The following TMEM266 variants were observed in gnomAD, a reference collection of about 807,000 sequenced individuals.
The protein encoded by TMEM266 is Hv1 related protein 1.
TMEM266 carries 33 observed loss-of-function variants against 50.5 expected under a neutral mutation model. The ratio of observed to expected loss-of-function variants is 0.65; its 90% confidence interval spans 0.50 to 0.87. TMEM266 has a LOEUF of 0.87. Ranked by LOEUF, TMEM266 falls within the 40% of genes least tolerant of loss-of-function variation. TMEM266 has a pLI of 0.00. For synonymous variants in TMEM266, 310 were observed against 292.3 expected, an observed-to-expected ratio of 1.06 and a Z score of -0.62; for missense variants, 655 against 695.1, an observed-to-expected ratio of 0.94 and a Z score of 0.65.
At chr15:76,191,884 C>A in intron 8 of TMEM266, 84 bp from the exon 9 acceptor site, 7 of 1,300,426 alleles carry the variant, frequency 5.4e-6, no homozygotes, top group Non-Finnish European at 7.1e-6. Flanking sequence ...CGCCCCCATG[C>A]AGGAGCAAAG....
At chr15:76,186,982 C>A (rs1322110099) in intron 8 of TMEM266, among the ~76,000 whole-genome samples, 1 of 152,236 alleles carries the variant, frequency 6.6e-6, no homozygotes, top group East Asian at 1.9e-4. Context: ...CAGCCCAGGG[C>A]TGTGCTTGGC....
At position 76,119,391 on chromosome 15, in the gene TMEM266, CAAAAAA is replaced by C. The variant is rs57532855; in HGVS notation, c.-96-14761_-96-14756del. On this transcript the variant is annotated intron_variant, in intron 1 of 10. Transcript: ENST00000388942. ...TCGTTTAGGGGGTTAGGGTTTATGG[CAAAAAA>C]AAAAAAAAAAAAAAAGAAAAGAAAA... Among the ~76,000 whole-genome samples, 272 of 109,792 alleles carry C rather than the reference CAAAAAA, an allele frequency of 2.5e-3. 1 individual carries two copies. The highest frequency in any genetic ancestry group is 4.4e-3 in the Admixed American group (51 of 11,480). The allele number at this position is 109,792 out of a possible 152,430, so 72.0% of individuals were successfully genotyped here.
At chr15:76,170,022 A>C in intron 6 of TMEM266, 150 bp downstream of exon 6, 1 of 484,704 alleles carries the variant, frequency 2.1e-6, no homozygotes. Flanking sequence ...TGGGTGGGGC[A>C]GGGAGGGGGA....
At chr15:76,143,204 A>C (rs1434982291) in intron 3 of TMEM266, among the ~76,000 whole-genome samples, 1 of 151,300 alleles carries the variant, frequency 6.6e-6, no homozygotes, top group Non-Finnish European at 1.5e-5. Context: ...ATGTCATCAC[A>C]CTCCAGTCTC....
At chr15:76,164,872 C>T (rs1024985611) in intron 5 of TMEM266, among the ~76,000 whole-genome samples, 5 of 152,128 alleles carry the variant, frequency 3.3e-5, no homozygotes, top group Non-Finnish European at 2.9e-5. Context: ...GATGGCTCTG[C>T]AGGGCACAGG....
intron 1 of TMEM266, among the ~76,000 whole-genome samples, chr15:76,133,369 G>A (rs773387747): frequency 3.3e-5 from 5 of 151,804 alleles, no homozygotes; most frequent in South Asian, 2.1e-4. Flanking sequence ...CCCAGGAGGC[G>A]AGGTTGCAGT....
At chr15:76,195,292 G>T (rs1430774666) in intron 9 of TMEM266, among the ~76,000 whole-genome samples, 1 of 152,160 alleles carries the variant, frequency 6.6e-6, no homozygotes, top group Non-Finnish European at 1.5e-5. Context: ...AGAGTTTGTT[G>T]CATTGAATGT....
intron 1 of TMEM266, among the ~76,000 whole-genome samples, chr15:76,119,991 A>T (rs2037315699): frequency 6.6e-6 from 1 of 152,184 alleles, no homozygotes; most frequent in South Asian, 2.1e-4. Flanking sequence ...AGAGCTTGTG[A>T]TTAAGATTCT....
At chr15:76,157,492 C>T (rs936464858) in intron 4 of TMEM266, among the ~76,000 whole-genome samples, 2 of 152,140 alleles carry the variant, frequency 1.3e-5, no homozygotes, top group Admixed American at 6.6e-5. Flanking sequence ...CTCTTCTGTC[C>T]TGGATGTCCC....
In TMEM266 at chr15:76,202,051, C is replaced by T. The variant is rs2038756423; in HGVS notation, c.959-151C>T. ...TGGGGCAGGTGAGACAGGTGGTCCCCATGGAGAACTAAGAGGCAGCTCCCG... is the reference window on the plus strand; with the variant it reads ...TGGGGCAGGTGAGACAGGTGGTCCCTATGGAGAACTAAGAGGCAGCTCCCG... On this transcript the variant is annotated intron_variant, in intron 9 of 10. Coordinates refer to ENST00000388942, the MANE Select transcript of TMEM266 (RefSeq NM_152335.3). 1.4e-5 allele frequency: 9 copies of T among 626,830 alleles called. No individual in the cohort carries two copies. In the East Asian group the frequency reaches 1.7e-4, roughly 12 times the overall value. The allele number at this position is 626,830 out of a possible 1,614,324, so 38.8% of individuals were successfully genotyped here. A position where few individuals can be genotyped will look rare whatever the true frequency, so the allele number is the denominator to read the frequency against.
rs1272941016 is a variant in TMEM266, at chr15:76,141,690, CTCT to C, written c.227+3803_227+3805del. Among the ~76,000 whole-genome samples the C allele has an allele frequency of 5.9e-5, 9 of 152,306 alleles. No individual in the cohort carries two copies. The East Asian group carries it at 7.7e-4, about 13-fold the overall frequency. On this transcript the variant is annotated intron_variant, in intron 3 of 10. Transcript: ENST00000388942. Reference sequence around the variant, plus strand: ...CTATAACCAGCATGCATCTCCAGAACTCTTCTTCTTGCAAACTAGAAACTCTAT... The same window carrying C: ...CTATAACCAGCATGCATCTCCAGAACTCTTCTTGCAAACTAGAAACTCTAT...
At chr15:76,104,826 G>T (rs1396320755) in intron 1 of TMEM266, among the ~76,000 whole-genome samples, 1 of 152,104 alleles carries the variant, frequency 6.6e-6, no homozygotes, top group African/African-American at 2.4e-5. Flanking sequence ...GGCATTGCTG[G>T]GCTGTCCCAC....
intron 1 of TMEM266, among the ~76,000 whole-genome samples, chr15:76,100,567 G>A (rs1053642913): frequency 1.3e-5 from 2 of 152,184 alleles, no homozygotes; most frequent in African/African-American, 4.8e-5. Context: ...GCCATGCCCT[G>A]CCTATCGTAG....
chr15:76,192,794 T>A (rs2038600892), intron 9 of TMEM266, among the ~76,000 whole-genome samples: 1 of 152,222 alleles, frequency 6.6e-6, no homozygotes, highest in African/African-American at 2.4e-5. Flanking sequence ...GGGACTCTCT[T>A]GGGGCCTTAG....
In TMEM266 at chr15:76,204,637, C is replaced by T. The variant is rs759863992; in HGVS notation, c.*322C>T. ...GTGGGGGGGCCAGCTCAGCCTCTTG[C>T]GTTGCCTTCGTTCCTGACGCCCACC... is the stretch of plus-strand genomic sequence containing the variant. On this transcript the variant is annotated 3_prime_UTR_variant, in exon 11 of 11. Coordinates refer to ENST00000388942, the MANE Select transcript of TMEM266 (RefSeq NM_152335.3). 8.0e-4 allele frequency: 166 copies of T among 207,242 alleles called. No individual in the cohort carries two copies. The highest frequency in any genetic ancestry group is 1.4e-3 in the Non-Finnish European group (143 of 102,406). The allele number at this position is 207,242 out of a possible 1,614,324, so 12.8% of individuals were successfully genotyped here.
rs2038021234 is a variant in TMEM266, at chr15:76,161,732, C to T, written c.456+1564C>T. Among the ~76,000 whole-genome samples, 1 of 152,164 alleles carries T rather than the reference C, an allele frequency of 6.6e-6. No homozygotes were observed. The highest frequency in any genetic ancestry group is 1.5e-5 in the Non-Finnish European group (1 of 68,024). ...CCTGAGACCATTGCCCTGGAGGTGC[C>T]TCTGCCCCGCAGAGCAGAGTGCCTG... On this transcript the variant is annotated intron_variant, in intron 5 of 10. Transcript: ENST00000388942. The surrounding 1 kb of genome is among the most constrained non-coding windows in gnomAD (Gnocchi z 4.1).
At chr15:76,128,184 C>T (rs563113206) in intron 1 of TMEM266, among the ~76,000 whole-genome samples, 44 of 152,290 alleles carry the variant, frequency 2.9e-4, no homozygotes, top group Middle Eastern at 6.8e-3. Context: ...GCATGGGAAA[C>T]GCTGAAATGG....
At chr15:76,195,026 TG>T (rs1262711146) in intron 9 of TMEM266, among the ~76,000 whole-genome samples, 5 of 152,184 alleles carry the variant, frequency 3.3e-5, no homozygotes, top group Non-Finnish European at 7.3e-5. Context: ...TCTAGAGGAA[TG>T]GAACAACCTT....
intron 1 of TMEM266, among the ~76,000 whole-genome samples, chr15:76,072,392 T>C (rs966615874): frequency 2.0e-5 from 3 of 146,876 alleles, no homozygotes; most frequent in African/African-American, 5.1e-5. Context: ...GAGCCGAGAT[T>C]GCGCCATTGC....
Sources: allele counts gnomAD v4.1 joint callset (sites outside exome capture counted in the v4.1 genomes callset), GRCh38; gene constraint gnomAD v4.1.1; non-coding constraint Gnocchi (gnomAD v3.1); transcripts MANE v1.5; gene names NCBI Gene and HGNC (gene_info 2026-07-23, HGNC 2026-07-21).